DNM2: variants seen among roughly 807,000 people sequenced by gnomAD.
DNM2 encodes the protein dynamin-2.
In DNM2, 15 loss-of-function variants were observed where a neutral mutation model predicts 99.0. The ratio of observed to expected loss-of-function variants is 0.15; its 90% CI spans 0.10 to 0.23. The LOEUF is 0.23. Ranked by LOEUF, DNM2 falls within the 10% of genes least tolerant of loss-of-function variation. The probability of loss-of-function intolerance (pLI) is 1.00; values close to 1 mark genes in which losing one functional copy is unlikely to be tolerated. For synonymous variants in DNM2, 525 were observed against 481.2 expected (o/e 1.09, Z -1.19); for missense variants, 742 against 1,189.4 (o/e 0.62, Z 5.53).
Position 10,805,984 on chromosome 19 carries a change from C to T in DNM2, c.1545+17C>T, listed in dbSNP as rs943090537. The T allele has an allele frequency of 1.4e-5, 23 of 1,614,034 alleles. No individual in the cohort carries two copies. The highest frequency in any genetic ancestry group is 1.9e-5 in the Non-Finnish European group (22 of 1,180,028). On this transcript the variant is annotated intron_variant, in intron 13 of 20. Coordinates refer to ENST00000389253, the MANE Select transcript of DNM2 (RefSeq NM_001005361.3). ...CCCAATCAGGTAGCACACCCCTCTG[C>T]AGTCTCCCGCTCTACCCTGGGGGCG...
intron 1 of DNM2, among the ~76,000 whole-genome samples, chr19:10,720,200 TTTTATTTA>T (rs1160281450): frequency 1.3e-5 from 2 of 150,394 alleles, no homozygotes; most frequent in Non-Finnish European, 2.9e-5. Flanking sequence ...GTTTATTTTA[TTTTATTTA>T]TTTATTTATT....
At chr19:10,733,372 C>T (rs547450544) in intron 1 of DNM2, among the ~76,000 whole-genome samples, 140 of 149,616 alleles carry the variant, frequency 9.4e-4, no homozygotes, top group Non-Finnish European at 1.9e-3. Flanking sequence ...TTTTTATTTT[C>T]GGTAGAGACA....
intron 7 of DNM2, 157 bp downstream of exon 7, chr19:10,786,863 T>C: frequency 1.6e-5 from 23 of 1,456,020 alleles, no homozygotes; most frequent in Non-Finnish European, 2.1e-5. Context: ...ATCCTAAGCA[T>C]GGCATTCGCC....
rs765217468 is a variant in DNM2, at chr19:10,797,407, C to T, written c.1224C>T (p.Ala408=). Residue 408 remains alanine, a synonymous_variant, in exon 10 of 21, where the codon GCC becomes GCT. Coordinates refer to ENST00000389253, the MANE Select transcript of DNM2 (RefSeq NM_001005361.3). ...CGGGGCTCTTCACCCCCGACATGGC[C>T]TTTGAAGCCATTGTGAAAAAACAGA... The part of the protein sequence containing the change: ...VRTGLFTPDM[A]FEAIVKKQIV... The T allele has an allele frequency of 1.9e-6, 3 of 1,613,534 alleles. No homozygotes were observed. Among genetic ancestry groups the T allele is most frequent in the Admixed American group, 3.3e-5 (2 of 60,010 alleles).
intron 7 of DNM2, 110 bp downstream of exon 7, chr19:10,786,816 C>G (rs2071576301): frequency 1.3e-6 from 2 of 1,554,424 alleles, no homozygotes; most frequent in Admixed American, 1.9e-5. Context: ...ATTGATTCAG[C>G]AGACACTTGC....
chr19:10,786,773 C>T (rs1439109731), intron 7 of DNM2, 67 bp downstream of exon 7: 6 of 1,604,652 alleles, frequency 3.7e-6, no homozygotes, highest in Non-Finnish European at 4.3e-6. Context: ...ACAGGGCCCC[C>T]TAGGCTGGGC....
chr19:10,804,635 C>A lies in DNM2; in HGVS notation c.1494-1281C>A, dbSNP rs111289649. On this transcript the variant is annotated intron_variant, in intron 12 of 20. Coordinates refer to ENST00000389253, the MANE Select transcript of DNM2 (RefSeq NM_001005361.3). ...CCCAGGAAGTCAAGGCTGTGCTGAG[C>A]CATGATCACACCAGGGCTCTCCAGC... Among the ~76,000 whole-genome samples, 584 of 152,224 alleles carry A rather than the reference C, an allele frequency of 3.8e-3. 4 individuals are homozygous for A. Among genetic ancestry groups the A allele is most frequent in the African/African-American group, 0.013 (551 of 41,532 alleles).
rs1337187799 is a variant in DNM2 at position 10,831,194 on chromosome 19, G to A, written c.*147G>A. The A allele has an allele frequency of 4.1e-5, 57 of 1,400,786 alleles. No individual in the cohort carries two copies. Among genetic ancestry groups the A allele is most frequent in the Non-Finnish European group, 5.0e-5 (54 of 1,081,382 alleles). The allele number at this position is 1,400,786 out of a possible 1,614,324, so 86.8% of individuals were successfully genotyped here. On this transcript the variant is annotated 3_prime_UTR_variant, in exon 21 of 21. Coordinates refer to ENST00000389253, the MANE Select transcript of DNM2 (RefSeq NM_001005361.3). The surrounding 1 kb of genome is among the most constrained non-coding windows in gnomAD (Gnocchi z 4.3). ...CTTCCTTAACGCTGGCCCCGGTCCAGGGCCGGCCCCTGTGCCTGGCTGGAC... is the reference window on the plus strand; with the variant it reads ...CTTCCTTAACGCTGGCCCCGGTCCAAGGCCGGCCCCTGTGCCTGGCTGGAC...
At chr19:10,803,684 T>C in intron 12 of DNM2, 4 of 986,400 alleles carry the variant, frequency 4.1e-6, no homozygotes, top group Non-Finnish European at 4.8e-6. Flanking sequence ...TATTGCCTGC[T>C]GTGTGCCTTT....
In DNM2 at chr19:10,718,085, C is replaced by T; in HGVS notation, c.-158C>T. 3.4e-6 allele frequency: 3 copies of T among 885,492 alleles called. No individual in the cohort carries two copies. Among genetic ancestry groups the T allele is most frequent in the Non-Finnish European group, 4.5e-6 (3 of 671,564 alleles). The allele number at this position is 885,492 out of a possible 1,614,324, so 54.9% of individuals were successfully genotyped here. A position where few individuals can be genotyped will look rare whatever the true frequency, so the allele number is the denominator to read the frequency against. Reference sequence around the variant, plus strand: ...CTCGGGTCGGGTGTCGCCTGAGAACCGGATGAGGCGGCGACCGTGAGGCCG... The same window carrying T: ...CTCGGGTCGGGTGTCGCCTGAGAACTGGATGAGGCGGCGACCGTGAGGCCG... On this transcript the variant is annotated 5_prime_UTR_variant, in exon 1 of 21. Coordinates refer to ENST00000389253, the MANE Select transcript of DNM2 (RefSeq NM_001005361.3).
intron 1 of DNM2, among the ~76,000 whole-genome samples, chr19:10,745,363 T>A (rs1002550472): frequency 6.6e-6 from 1 of 152,174 alleles, no homozygotes; most frequent in African/African-American, 2.4e-5. Context: ...TGCATTAATA[T>A]GTTTCTGGGT....
In DNM2 at chr19:10,818,903, C is replaced by T. The variant is rs759928497; in HGVS notation, c.1672-1077C>T. ...TTCCCTCTCTGAGCTAGGAGGGATC[C>T]GTGAACTGAGACCAAGCAGTGCATG... On this transcript the variant is annotated intron_variant, in intron 15 of 20. Transcript: ENST00000389253. The surrounding 1 kb of genome is among the most constrained non-coding windows in gnomAD (Gnocchi z 4.3). Among the ~76,000 whole-genome samples, 5 of 152,124 alleles carry T rather than the reference C, an allele frequency of 3.3e-5. No homozygotes were observed. Among genetic ancestry groups the T allele is most frequent in the Admixed American group, 1.3e-4 (2 of 15,276 alleles).
chr19:10,804,238 G>A (rs2072257785), intron 12 of DNM2, among the ~76,000 whole-genome samples: 1 of 152,136 alleles, frequency 6.6e-6, no homozygotes, highest in African/African-American at 2.4e-5. Flanking sequence ...GAGCCAGGAG[G>A]CCCTTAGGAA....
chr19:10,748,766 T>G (rs2070087436), intron 1 of DNM2, among the ~76,000 whole-genome samples: 1 of 152,240 alleles, frequency 6.6e-6, no homozygotes, highest in Admixed American at 6.5e-5. Context: ...CTTTTGGCCC[T>G]GGCATCCTTG....
chr19:10,797,059 G>C (rs1166546840), intron 9 of DNM2, among the ~76,000 whole-genome samples: 3 of 152,072 alleles, frequency 2.0e-5, no homozygotes, highest in Non-Finnish European at 4.4e-5. Flanking sequence ...AGTCCAAACA[G>C]GTTGGAAAAC....
intron 1 of DNM2, among the ~76,000 whole-genome samples, chr19:10,726,791 G>A (rs2069130487): frequency 6.6e-6 from 1 of 151,936 alleles, no homozygotes; most frequent in South Asian, 2.1e-4. Context: ...TGAACCTGGG[G>A]GACGGAGGTT....
Position 10,817,630 on chromosome 19 carries a change from G to A in DNM2, c.1672-2350G>A, listed in dbSNP as rs541516263. 6.5e-5 allele frequency: 16 copies of A among 246,482 alleles called. No homozygotes were observed. Among genetic ancestry groups the A allele is most frequent in the Admixed American group, 1.8e-4 (3 of 17,008 alleles). 15.3% of individuals were successfully genotyped at this position (246,482 alleles called of 1,614,324 possible). A position where few individuals can be genotyped will look rare whatever the true frequency, so the allele number is the denominator to read the frequency against. On this transcript the variant is annotated intron_variant, in intron 15 of 20. Transcript: ENST00000389253. The surrounding 1 kb of genome is among the most constrained non-coding windows in gnomAD (Gnocchi z 4.6). ...GACGATCCGCTCTGTCCCTTCTGAC[G>A]TGGCAAGGCTGGGGCCGGCTCGCAT...
intron 11 of DNM2, among the ~76,000 whole-genome samples, chr19:10,800,479 C>G (rs1242254698): frequency 6.6e-6 from 1 of 152,246 alleles, no homozygotes; most frequent in African/African-American, 2.4e-5. Context: ...TCCACAGCCC[C>G]TGGTGCCCAC....
intron 6 of DNM2, 148 bp downstream of exon 6, chr19:10,783,268 C>A: frequency 2.4e-6 from 3 of 1,249,266 alleles, no homozygotes; most frequent in South Asian, 2.6e-5. Flanking sequence ...GAGTTTGAGA[C>A]CAGTCTGGGC....
Sources: allele counts gnomAD v4.1 joint callset (sites outside exome capture counted in the v4.1 genomes callset), GRCh38; gene constraint gnomAD v4.1.1; non-coding constraint Gnocchi (gnomAD v3.1); transcripts MANE v1.5; gene names NCBI Gene and HGNC (gene_info 2026-07-23, HGNC 2026-07-21).